Variants in SIK2 observed in about 807,000 individuals in gnomAD.
SIK2 encodes the protein salt inducible kinase 2.
SIK2 carries 29 observed loss-of-function variants against 103.2 expected under a neutral mutation model. The observed-to-expected ratio is 0.28, with a 90% confidence interval of 0.21 to 0.38. SIK2 has a LOEUF of 0.38. Ranked by LOEUF, SIK2 falls within the 10% of genes least tolerant of loss-of-function variation. SIK2 has a pLI of 1.00. For missense variants in SIK2, 879 were observed against 1,171.0 expected (o/e 0.75, Z 3.64); for synonymous variants, 412 against 446.1 (o/e 0.92, Z 0.96).
Position 111,703,302 on chromosome 11 carries a change from C to A in SIK2, c.827C>A (p.Pro276His). 6.2e-7 allele frequency: 1 copy of A among 1,614,182 alleles called. No homozygotes were observed. The highest frequency in any genetic ancestry group is 2.2e-5 in the East Asian group (1 of 44,874). The change falls in exon 7 of 15, where the codon CCT becomes CAT. Residue 276 changes from proline to histidine, a missense_variant. By Grantham distance (77) the Pro-to-His change is moderately conservative. Around this residue, in one of 7 missense-constraint regions of SIK2, gnomAD observed 99 missense variants for 153.9 expected, o/e 0.64. Coordinates refer to ENST00000304987, the MANE Select transcript of SIK2 (RefSeq NM_015191.3). ...CATAAATGGATGCTCATAGAAGTTC[C>A]TGTCCAGAGACCTGTTCTCTATCCA... is the stretch of plus-strand genomic sequence containing the variant. ...KEHKWMLIEV[P>H]VQRPVLYPQE...
intron 3 of SIK2, chr11:111,672,506 G>C: frequency 5.0e-6 from 1 of 198,854 alleles, no homozygotes; most frequent in East Asian, 1.2e-4. Context: ...ATAATAATTG[G>C]ATAGTTCAAT....
rs1407488989 is a variant in SIK2, at chr11:111,729,055, AG to A, written c.*4927del. ...TGTGGTCTGAAGCACCTGTAATGTC[AG>A]AGCCCTTGTCTGGCCCTTGGTGGCA... On this transcript the variant is annotated 3_prime_UTR_variant, in exon 15 of 15. Coordinates refer to ENST00000304987, the MANE Select transcript of SIK2 (RefSeq NM_015191.3). 6.6e-6 allele frequency: 1 copy of A among 152,264 alleles called. No individual in the cohort carries two copies. The highest frequency in any genetic ancestry group is 1.5e-5 in the Non-Finnish European group (1 of 68,046). The allele number at this position is 152,264 out of a possible 1,614,324, so 9.4% of individuals were successfully genotyped here.
intron 3 of SIK2, among the ~76,000 whole-genome samples, chr11:111,649,398 A>G (rs1942299462): frequency 1.3e-5 from 2 of 152,254 alleles, no homozygotes; most frequent in South Asian, 4.1e-4. Flanking sequence ...ACATGAAGGT[A>G]TTTGAATATA....
intron 2 of SIK2, among the ~76,000 whole-genome samples, chr11:111,618,960 T>C (rs890632142): frequency 2.6e-5 from 4 of 152,154 alleles, no homozygotes; most frequent in African/African-American, 9.7e-5. Context: ...GTTCTCAAAC[T>C]TCTGGGCTCA....
chr11:111,681,241 A>G (rs925783151), intron 3 of SIK2, among the ~76,000 whole-genome samples: 5 of 152,248 alleles, frequency 3.3e-5, no homozygotes, highest in Non-Finnish European at 7.3e-5. Flanking sequence ...ATTATATACT[A>G]AATTGTATAT....
At chr11:111,693,629 G>C (rs1297974510) in intron 4 of SIK2, among the ~76,000 whole-genome samples, 2 of 152,124 alleles carry the variant, frequency 1.3e-5, no homozygotes, top group Non-Finnish European at 2.9e-5. Flanking sequence ...ACTTAAATAA[G>C]GATAAAAATC....
intron 1 of SIK2, among the ~76,000 whole-genome samples, chr11:111,605,015 T>G (rs1360323163): frequency 2.7e-5 from 4 of 149,680 alleles, no homozygotes; most frequent in Non-Finnish European, 5.9e-5. Flanking sequence ...CTGGCTGGAG[T>G]GCAGTGGTGC....
intron 3 of SIK2, among the ~76,000 whole-genome samples, chr11:111,687,723 A>G (rs998688246): frequency 6.6e-6 from 1 of 151,108 alleles, no homozygotes; most frequent in Non-Finnish European, 1.5e-5. Flanking sequence ...CTCCTGCCTC[A>G]GCCTCTCCAG....
intron 3 of SIK2, among the ~76,000 whole-genome samples, chr11:111,623,666 C>T (rs1316161371): frequency 1.3e-5 from 2 of 152,200 alleles, no homozygotes. Context: ...CAAGTAGGAA[C>T]AGGCACCATT....
chr11:111,703,293 T>C lies in SIK2; in HGVS notation c.818T>C (p.Ile273Thr), dbSNP rs143540933. Residue 273 changes from isoleucine (I) to threonine (T), a missense_variant, in exon 7 of 15, where the codon ATA becomes ACA. Transcript: ENST00000304987. ...ATCAAGGAGCATAAATGGATGCTCA[T>C]AGAAGTTCCTGTCCAGAGACCTGTT... ...AQIKEHKWML[I>T]EVPVQRPVLY... 6.2e-7 allele frequency: 1 copy of C among 1,614,178 alleles called. No homozygotes were observed. The highest frequency in any genetic ancestry group is 2.2e-5 in the East Asian group (1 of 44,882).
chr11:111,706,995 G>T (rs1327904019), intron 8 of SIK2, among the ~76,000 whole-genome samples: 6 of 150,916 alleles, frequency 4.0e-5, no homozygotes, highest in Admixed American at 1.3e-4. Context: ...TGATACAGAT[G>T]TAAGTAAAAT....
At chr11:111,670,135 G>A (rs531352239) in intron 3 of SIK2, among the ~76,000 whole-genome samples, 2 of 152,078 alleles carry the variant, frequency 1.3e-5, no homozygotes, top group Non-Finnish European at 2.9e-5. Flanking sequence ...TCCAACACTA[G>A]GTCTCATTTC....
At chr11:111,700,146 A>G (rs1227631410) in intron 4 of SIK2, among the ~76,000 whole-genome samples, 1 of 152,256 alleles carries the variant, frequency 6.6e-6, no homozygotes, top group African/African-American at 2.4e-5. Context: ...TGTTGAAGGC[A>G]TCTAAGTAGT....
intron 3 of SIK2, among the ~76,000 whole-genome samples, chr11:111,652,470 T>C (rs1198879792): frequency 6.6e-6 from 1 of 152,180 alleles, no homozygotes; most frequent in Non-Finnish European, 1.5e-5. Context: ...TGGGGCTTCC[T>C]TTTGATATAC....
In SIK2 at chr11:111,715,904, C is replaced by T. The variant is rs1004012671; in HGVS notation, c.1266+3529C>T. On this transcript the variant is annotated intron_variant, in intron 9 of 14. Coordinates refer to ENST00000304987, the MANE Select transcript of SIK2 (RefSeq NM_015191.3). ...GCAACCTCCGCCCCCCGGGTTCAAG[C>T]GATTCTCCTGCCTCAGACTCCTGAG... Among the ~76,000 whole-genome samples, 7 of 146,168 alleles carry T rather than the reference C, an allele frequency of 4.8e-5. No homozygotes were observed. The East Asian group carries it at 1.4e-3, about 30-fold the overall frequency.
intron 3 of SIK2, among the ~76,000 whole-genome samples, chr11:111,644,083 C>T (rs560329212): frequency 1.2e-4 from 18 of 151,296 alleles, no homozygotes; most frequent in Non-Finnish European, 7.4e-5. Context: ...GTCAGGAGTC[C>T]GAGAACAGCC....
intron 2 of SIK2, among the ~76,000 whole-genome samples, chr11:111,619,219 T>C (rs1489368988): frequency 1.3e-5 from 2 of 152,166 alleles, no homozygotes; most frequent in South Asian, 2.1e-4. Context: ...AAACTGTAGG[T>C]AGCTTTTAGT....
At chr11:111,625,622 G>A (rs953934463) in intron 3 of SIK2, among the ~76,000 whole-genome samples, 1 of 152,166 alleles carries the variant, frequency 6.6e-6, no homozygotes, top group African/African-American at 2.4e-5. Context: ...AAATGATGCC[G>A]ATAGATCAAA....
chr11:111,704,802 T>C (rs1943302783), intron 7 of SIK2, among the ~76,000 whole-genome samples, 185 bp from the exon 8 acceptor site: 1 of 152,218 alleles, frequency 6.6e-6, no homozygotes, highest in South Asian at 2.1e-4. Context: ...ATATAATTAA[T>C]ACTAGAGACT....
Sources: allele counts gnomAD v4.1 joint callset (sites outside exome capture counted in the v4.1 genomes callset), GRCh38; gene constraint gnomAD v4.1.1; regional missense constraint gnomAD v4.1.1; transcripts MANE v1.5; gene names NCBI Gene and HGNC (gene_info 2026-07-23, HGNC 2026-07-21).